Variants in ANK1 observed in about 807,000 individuals in gnomAD.
ANK1 encodes the protein ankyrin-1.
ANK1 carries 51 observed loss-of-function variants against 210.4 expected under a neutral mutation model. The ratio of observed to expected loss-of-function variants is 0.24; its 90% CI spans 0.19 to 0.31. The LOEUF (loss-of-function observed/expected upper bound fraction) is 0.31. ANK1 is among the 10% of genes least tolerant of loss of function. ANK1 has a pLI of 1.00. For missense variants in ANK1, 2,051 were observed against 2,504.4 expected (o/e 0.82, Z 3.86); for synonymous variants, 967 against 1,025.9 (o/e 0.94, Z 1.10).
chr8:41,701,648 C>T (rs1477455040), intron 21 of ANK1, 26 bp from the exon 22 acceptor site: 1 of 1,609,884 alleles, frequency 6.2e-7, no homozygotes, highest in East Asian at 2.2e-5. Context: ...GCAGATAATT[C>T]AACCCAAACT....
intron 1 of ANK1, among the ~76,000 whole-genome samples, chr8:41,871,279 A>T (rs923461798): frequency 6.6e-6 from 1 of 152,166 alleles, no homozygotes; most frequent in Non-Finnish European, 1.5e-5. Flanking sequence ...CCTCCGCAGA[A>T]TCGAGGCAGC....
At chr8:41,675,419 A>C (rs544001957) in intron 37 of ANK1, among the ~76,000 whole-genome samples, 1 of 152,316 alleles carries the variant, frequency 6.6e-6, no homozygotes, top group African/African-American at 2.4e-5. Context: ...TTTAGTGCAA[A>C]ACATATCTAA....
At chr8:41,794,178 G>A (rs926696312) in intron 1 of ANK1, among the ~76,000 whole-genome samples, 8 of 152,256 alleles carry the variant, frequency 5.3e-5, no homozygotes, top group Middle Eastern at 3.4e-3. Context: ...TTCTCATCTC[G>A]CTCAAGGCAG....
At chr8:41,848,090 C>G (rs1810412751) in intron 1 of ANK1, among the ~76,000 whole-genome samples, 1 of 151,814 alleles carries the variant, frequency 6.6e-6, no homozygotes, top group South Asian at 2.1e-4. Context: ...GAGGCTGAGG[C>G]ACAAGAATCA....
At chr8:41,803,078 A>AGGAAGGAAGGAAGGAAGGAAGGAAG (rs1554630992) in intron 1 of ANK1, among the ~76,000 whole-genome samples, 5 of 75,002 alleles carry the variant, frequency 6.7e-5, no homozygotes, top group South Asian at 5.5e-4. Flanking sequence ...GAAGGAAGGA[A>AGGAAGGAAGGAAGGAAGGAAGGAAG]GGAAGGGAAG....
Position 41,661,435 on chromosome 8 carries a change from G to C in ANK1, c.*31C>G. 1.2e-6 allele frequency: 2 copies of C among 1,613,964 alleles called. No individual in the cohort carries two copies. The highest frequency in any genetic ancestry group is 1.1e-5 in the South Asian group (1 of 91,070). ...GATGAGAAGGGCAGCGTTACCTCCC[G>C]AGAGGCTACTCCAAGGAGAGCGGCT... On this transcript the variant is annotated 3_prime_UTR_variant, in exon 42 of 43. Coordinates refer to ENST00000289734, the MANE Select transcript of ANK1 (RefSeq NM_000037.4).
In ANK1 at chr8:41,654,680, C is replaced by G. The variant is rs1290785358; in HGVS notation, c.*1110G>C. On this transcript the variant is annotated 3_prime_UTR_variant, in exon 43 of 43. Transcript: ENST00000289734. ...AGGAGCTGCGCTGTCAGGCTCTGTA[C>G]GTACTGCTAAATGTTTCTATTGGTT... 6.5e-6 allele frequency: 1 copy of G among 152,810 alleles called. No homozygotes were observed. Among genetic ancestry groups the G allele is most frequent in the Non-Finnish European group, 1.5e-5 (1 of 68,034 alleles). 9.5% of individuals were successfully genotyped at this position (152,810 alleles called of 1,614,324 possible).
At chr8:41,718,416 C>T (rs943236674) in intron 10 of ANK1, among the ~76,000 whole-genome samples, 1 of 152,154 alleles carries the variant, frequency 6.6e-6, no homozygotes, top group Non-Finnish European at 1.5e-5. Flanking sequence ...TCACTTGATG[C>T]ACTAGATATG....
At chr8:41,696,296 G>C (rs1820911697) in intron 26 of ANK1, 67 bp downstream of exon 26, 2 of 1,555,584 alleles carry the variant, frequency 1.3e-6, no homozygotes, top group Non-Finnish European at 1.8e-6. Context: ...CATCAGGACA[G>C]ATGGAAATGG....
In ANK1 at chr8:41,659,213, G is replaced by A. The variant is rs190852840; in HGVS notation, c.*36+2217C>T. Reference sequence around the variant, plus strand: ...GAACATCCCAGCCTTCTTGCACTTCGCACCAGACAGCACTTCAGCACTGCC... The same window carrying A: ...GAACATCCCAGCCTTCTTGCACTTCACACCAGACAGCACTTCAGCACTGCC... On this transcript the variant is annotated intron_variant, in intron 42 of 42. Coordinates refer to ENST00000289734, the MANE Select transcript of ANK1 (RefSeq NM_000037.4). 3.9e-5 allele frequency among the ~76,000 whole-genome samples: 6 copies of A among 152,250 alleles called. No homozygotes were observed. In the East Asian group the frequency reaches 9.7e-4, roughly 25 times the overall value.
At chr8:41,767,822 G>A (rs1360371360) in intron 1 of ANK1, among the ~76,000 whole-genome samples, 1 of 152,158 alleles carries the variant, frequency 6.6e-6, no homozygotes, top group East Asian at 1.9e-4. Context: ...CTCCCCGAAT[G>A]CCCTGGTGAA....
intron 1 of ANK1, among the ~76,000 whole-genome samples, chr8:41,872,635 G>T (rs1158022064): frequency 6.6e-6 from 1 of 152,232 alleles, no homozygotes; most frequent in African/African-American, 2.4e-5. Flanking sequence ...GCTTCCCTAG[G>T]ATGTGCCCCA....
At chr8:41,671,472 T>C (rs1407302841) in intron 38 of ANK1, among the ~76,000 whole-genome samples, 1 of 152,144 alleles carries the variant, frequency 6.6e-6, no homozygotes, top group Non-Finnish European at 1.5e-5. Context: ...CCCAGCCTCA[T>C]GATTGCTCTT....
intron 37 of ANK1, 117 bp downstream of exon 37, chr8:41,684,427 C>T (rs764167138): frequency 2.0e-6 from 3 of 1,482,724 alleles, no homozygotes; most frequent in Middle Eastern, 1.7e-4. Flanking sequence ...AGACCTCCCA[C>T]CAATGGGAGG....
chr8:41,697,990 C>T, intron 24 of ANK1, 53 bp downstream of exon 24: 1 of 1,572,110 alleles, frequency 6.4e-7, no homozygotes, highest in Non-Finnish European at 8.7e-7. Flanking sequence ...AATCACTGTC[C>T]CAGGGTTTTC....
At chr8:41,865,689 A>T (rs1814283588) in intron 1 of ANK1, among the ~76,000 whole-genome samples, 1 of 151,986 alleles carries the variant, frequency 6.6e-6, no homozygotes, top group Admixed American at 6.5e-5. Context: ...AGGACCTGGG[A>T]GTCAGCCTAG....
rs532069252 is a variant in ANK1 at position 41,810,477 on chromosome 8, G to A, written c.127-52340C>T. 2.0e-5 allele frequency among the ~76,000 whole-genome samples: 3 copies of A among 152,358 alleles called. No homozygotes were observed. The South Asian group carries it at 6.2e-4, about 32-fold the overall frequency. Reference sequence around the variant, plus strand: ...CTCCACAGAAGGAACGTGTTTCCACGGTGAAGCCATCTGTGGCCCCTCTGC... The same window carrying A: ...CTCCACAGAAGGAACGTGTTTCCACAGTGAAGCCATCTGTGGCCCCTCTGC... On this transcript the variant is annotated intron_variant, in intron 1 of 42. Coordinates refer to the ANK1 transcript ENST00000265709.
chr8:41,827,479 T>G (rs1235287882), intron 1 of ANK1, among the ~76,000 whole-genome samples: 1 of 152,170 alleles, frequency 6.6e-6, no homozygotes, highest in African/African-American at 2.4e-5. Flanking sequence ...CCACATACTA[T>G]CTTCACAGCT....
At chr8:41,812,802 CCTA>C (rs1356595408) in intron 1 of ANK1, among the ~76,000 whole-genome samples, 1 of 152,126 alleles carries the variant, frequency 6.6e-6, no homozygotes, top group Non-Finnish European at 1.5e-5. Flanking sequence ...GAGTGCGCAA[CCTA>C]GATCCCTCTC....
Sources: gnomAD v4.1 joint callset for allele counts (sites outside exome capture counted in the v4.1 genomes callset) on GRCh38, gnomAD v4.1.1 for gene constraint, MANE v1.5 for transcripts, NCBI Gene and HGNC (gene_info 2026-07-23, HGNC 2026-07-21) for gene names.